CSMD1: variants seen among roughly 807,000 people sequenced by gnomAD.
The protein encoded by CSMD1 is CUB and sushi domain-containing protein 1.
Under a neutral mutation model 417.5 loss-of-function variants are expected in CSMD1, and 213 were observed. The observed-to-expected ratio is 0.51, with a 90% confidence interval of 0.46 to 0.57. The LOEUF (loss-of-function observed/expected upper bound fraction) is 0.57, where lower values mean the gene tolerates loss of function less well. Among genes scored for constraint, CSMD1 ranks in the 20% least tolerant of loss-of-function variants. The pLI, the probability that CSMD1 is intolerant of heterozygous loss-of-function variation, is 0.00. For missense variants in CSMD1, 6,923 were observed against 4,529.7 expected, an observed-to-expected ratio of 1.53 and a Z score of -15.17; for synonymous variants, 2,862 against 1,736.8, an observed-to-expected ratio of 1.65 and a Z score of -16.11.
At chr8:4,937,273 T>C (rs997009489) in intron 1 of CSMD1, among the ~76,000 whole-genome samples, 1 of 152,132 alleles carries the variant, frequency 6.6e-6, no homozygotes, top group Non-Finnish European at 1.5e-5. Context: ...GGTGGTATAG[T>C]CCTATCTTCA....
In CSMD1 at chr8:2,955,709, G is replaced by T; in HGVS notation, c.9874C>A (p.Pro3292Thr). Residue 3292 changes from proline to threonine, a missense_variant, in exon 64 of 70, where the codon CCT (proline) becomes ACT (threonine). Physicochemically the swap from Pro to Thr is conservative, Grantham distance 38. Transcript: ENST00000635120. ...AHADVRAIDL[P>T]TFGYTLVYTC... Reference sequence around the variant, plus strand: ...TACACTAAGGTGTAGCCGAAAGTAGGAAGATCGATGGCTCTCACATCCGCG... The same window carrying T: ...TACACTAAGGTGTAGCCGAAAGTAGTAAGATCGATGGCTCTCACATCCGCG... 1 of 1,613,938 alleles carries T rather than the reference G, an allele frequency of 6.2e-7. No homozygotes were observed. Among genetic ancestry groups the T allele is most frequent in the Non-Finnish European group, 8.5e-7 (1 of 1,179,822 alleles).
chr8:3,926,104 C>CAACCAT (rs1563218307), intron 5 of CSMD1, among the ~76,000 whole-genome samples: 2 of 41,648 alleles, frequency 4.8e-5, no homozygotes, highest in Non-Finnish European at 8.8e-5. Context: ...CACACACACA[C>CAACCAT]ACACACACAC....
intron 3 of CSMD1, among the ~76,000 whole-genome samples, chr8:4,055,334 G>C (rs899782360): frequency 1.4e-4 from 21 of 151,914 alleles, no homozygotes; most frequent in Admixed American, 1.0e-3. Context: ...AATTTTTATA[G>C]ATTACAAAAA....
At chr8:3,668,668 G>T (rs1364618856) in intron 7 of CSMD1, among the ~76,000 whole-genome samples, 1 of 152,126 alleles carries the variant, frequency 6.6e-6, no homozygotes, top group Admixed American at 6.5e-5. Flanking sequence ...TCAGTCTGAG[G>T]TGTCCAGAGA....
intron 1 of CSMD1, among the ~76,000 whole-genome samples, chr8:4,921,101 G>GAAGA (rs553234620): frequency 2.7e-4 from 40 of 150,650 alleles, no homozygotes; most frequent in African/African-American, 7.6e-4. Flanking sequence ...AAAGAAAAAA[G>GAAGA]AAGAAAGAAA....
intron 2 of CSMD1, among the ~76,000 whole-genome samples, chr8:4,582,962 T>C (rs1021277416): frequency 2.6e-5 from 4 of 152,136 alleles, no homozygotes; most frequent in Non-Finnish European, 4.4e-5. Flanking sequence ...ATGAGGGACA[T>C]AGCACCCGGG....
In CSMD1 at chr8:4,449,644, T is replaced by C. The variant is rs146763090; in HGVS notation, c.303-29579A>G. 1.8e-3 allele frequency among the ~76,000 whole-genome samples: 281 copies of C among 152,196 alleles called. 1 individual carries two copies. Among genetic ancestry groups the C allele is most frequent in the African/African-American group, 6.3e-3 (263 of 41,522 alleles). ...AGAATACATCTTGGAGCAATCCACA[T>C]AGATCATGAACATAATCAGCCTGAG... On this transcript the variant is annotated intron_variant, in intron 2 of 69. Transcript: ENST00000635120.
chr8:4,202,949 C>T (rs988766415), intron 3 of CSMD1, among the ~76,000 whole-genome samples: 26 of 152,068 alleles, frequency 1.7e-4, no homozygotes, highest in Admixed American at 6.6e-4. Context: ...TCTCTTTTTG[C>T]AGTTGTGGGA....
intron 26 of CSMD1, among the ~76,000 whole-genome samples, chr8:3,232,224 C>T (rs1798884086): frequency 6.6e-6 from 1 of 152,178 alleles, no homozygotes; most frequent in South Asian, 2.1e-4. Flanking sequence ...TAAATGTATG[C>T]ATTCCACTTT....
intron 31 of CSMD1, 110 bp from the exon 32 acceptor site, chr8:3,201,835 G>T: frequency 5.3e-6 from 2 of 377,810 alleles, no homozygotes; most frequent in African/African-American, 5.1e-5. Context: ...ATTATCCTAA[G>T]AATTTGGTAA....
chr8:4,962,373 C>G (rs1809558163), intron 1 of CSMD1, among the ~76,000 whole-genome samples: 1 of 151,950 alleles, frequency 6.6e-6, no homozygotes. Flanking sequence ...ATCTTGACTG[C>G]TTAATTTTAT....
intron 49 of CSMD1, among the ~76,000 whole-genome samples, chr8:3,054,808 G>A (rs1203514881): frequency 6.6e-6 from 1 of 152,146 alleles, no homozygotes; most frequent in African/African-American, 2.4e-5. Flanking sequence ...ATCATTTGGG[G>A]CAAAGCATTT....
rs776025233 is a variant in CSMD1, at chr8:3,230,008, A to G, written c.4345+32T>C. ...AACGACAACATGCATCCATTCCTGA[A>G]TATAAAATTTCTAAGTTCTGTTGTC... On this transcript the variant is annotated intron_variant, in intron 27 of 69. Transcript: ENST00000635120. 2.8e-6 allele frequency: 4 copies of G among 1,442,976 alleles called. No homozygotes were observed. In the East Asian group the frequency reaches 7.3e-5, roughly 26 times the overall value. The allele number at this position is 1,442,976 out of a possible 1,614,324, so 89.4% of individuals were successfully genotyped here.
intron 23 of CSMD1, among the ~76,000 whole-genome samples, chr8:3,329,537 A>T (rs1384664752): frequency 6.6e-6 from 1 of 152,178 alleles, no homozygotes; most frequent in Non-Finnish European, 1.5e-5. Context: ...AATGTGCAGC[A>T]GTTCCCTTCC....
At position 4,305,959 on chromosome 8, in the gene CSMD1, C is replaced by G. The variant is rs143571021; in HGVS notation, c.415+113994G>C. ...ATAAACTGTATTGCAGGGTAACTTT[C>G]ATACTGATACATAGTGTGCCCAGAC... On this transcript the variant is annotated intron_variant, in intron 3 of 69. Coordinates refer to ENST00000635120, the MANE Select transcript of CSMD1 (RefSeq NM_033225.6). Among the ~76,000 whole-genome samples the G allele has an allele frequency of 5.3e-3, 804 of 152,256 alleles. 3 individuals carry two copies. Among genetic ancestry groups the G allele is most frequent in the African/African-American group, 0.019 (778 of 41,548 alleles).
chr8:4,551,870 T>C (rs2130567385), intron 2 of CSMD1, among the ~76,000 whole-genome samples: 1 of 150,030 alleles, frequency 6.7e-6, no homozygotes, highest in African/African-American at 2.5e-5. Context: ...TTTTTTTTTG[T>C]AGAGATGGGG....
At chr8:4,702,681 T>G (rs1397902608) in intron 1 of CSMD1, among the ~76,000 whole-genome samples, 1 of 152,132 alleles carries the variant, frequency 6.6e-6, no homozygotes, top group East Asian at 1.9e-4. Context: ...TAACCACTAA[T>G]ACAACCGTAT....
At chr8:3,768,713 A>G (rs1798415953) in intron 5 of CSMD1, among the ~76,000 whole-genome samples, 1 of 152,166 alleles carries the variant, frequency 6.6e-6, no homozygotes, top group Admixed American at 6.5e-5. Flanking sequence ...AAGTTATGTA[A>G]TTTCTTTATT....
intron 5 of CSMD1, among the ~76,000 whole-genome samples, chr8:3,963,460 G>A (rs1360505090): frequency 1.3e-5 from 2 of 152,114 alleles, no homozygotes; most frequent in Non-Finnish European, 2.9e-5. Flanking sequence ...TAAGGTGAAT[G>A]AATGCCTCAT....
Sources: allele counts gnomAD v4.1 joint callset (sites outside exome capture counted in the v4.1 genomes callset), GRCh38; gene constraint gnomAD v4.1.1; transcripts MANE v1.5; gene names NCBI Gene and HGNC (gene_info 2026-07-23, HGNC 2026-07-21).